SIK2: variants seen among roughly 807,000 people sequenced by gnomAD.
SIK2 encodes the protein serine/threonine-protein kinase SIK2.
Under a neutral mutation model 103.2 loss-of-function variants are expected in SIK2, and 29 were observed. The ratio of observed to expected loss-of-function variants is 0.28; its 90% CI spans 0.21 to 0.38. SIK2 has a LOEUF of 0.38. Among genes scored for constraint, SIK2 ranks in the 10% least tolerant of loss-of-function variants. The pLI is 1.00. For missense variants in SIK2, 879 were observed against 1,171.0 expected, an observed-to-expected ratio of 0.75 and a Z score of 3.64; for synonymous variants, 412 against 446.1, an observed-to-expected ratio of 0.92 and a Z score of 0.96.
chr11:111,620,109 T>C (rs1403128812), intron 2 of SIK2, among the ~76,000 whole-genome samples: 2 of 152,226 alleles, frequency 1.3e-5, no homozygotes, highest in Non-Finnish European at 2.9e-5. Flanking sequence ...GGTGGTTGAA[T>C]AGTGCTACTA....
chr11:111,723,660 C>T lies in SIK2; in HGVS notation c.2312C>T (p.Thr771Ile). ...PSQQAPPFSL[T>I]QPLSPVLEPS... ...CAGCAGGCCCCACCGTTCAGCCTGA[C>T]CCAGCCCCTGAGCCCCGTCCTGGAG... is the stretch of plus-strand genomic sequence containing the variant. Residue 771 changes from threonine to isoleucine, a missense_variant, in exon 15 of 15, where the codon ACC (threonine) becomes ATC (isoleucine). Coordinates refer to ENST00000304987, the MANE Select transcript of SIK2 (RefSeq NM_015191.3). The T allele has an allele frequency of 1.9e-6, 3 of 1,613,720 alleles. No homozygotes were observed. The highest frequency in any genetic ancestry group is 2.2e-5 in the East Asian group (1 of 44,868).
intron 3 of SIK2, among the ~76,000 whole-genome samples, chr11:111,626,227 A>G (rs535476568): frequency 6.6e-6 from 1 of 152,322 alleles, no homozygotes; most frequent in African/African-American, 2.4e-5. Flanking sequence ...GAATTAATTT[A>G]AAAAGATCAT....
intron 4 of SIK2, among the ~76,000 whole-genome samples, chr11:111,692,691 ATCT>A (rs1337261101): frequency 6.6e-6 from 1 of 152,196 alleles, no homozygotes; most frequent in Non-Finnish European, 1.5e-5. Context: ...TTTAAGGATC[ATCT>A]TCTTATCTCT....
intron 3 of SIK2, among the ~76,000 whole-genome samples, chr11:111,679,580 A>G (rs1942750941): frequency 6.6e-6 from 1 of 152,246 alleles, no homozygotes. Flanking sequence ...AAAGTTTAAT[A>G]TTATAAATAG....
intron 3 of SIK2, among the ~76,000 whole-genome samples, chr11:111,654,576 A>C (rs1423663333): frequency 6.6e-6 from 1 of 152,194 alleles, no homozygotes; most frequent in Non-Finnish European, 1.5e-5. Context: ...GAGTTACTTA[A>C]AGGTAAGTTC....
intron 3 of SIK2, among the ~76,000 whole-genome samples, chr11:111,645,065 T>C (rs1435114352): frequency 6.6e-6 from 1 of 152,210 alleles, no homozygotes; most frequent in East Asian, 1.9e-4. Context: ...TGAGGGAAGA[T>C]GTTAAACAAG....
At chr11:111,638,195 A>AACGCATGTCAGTATCCGGTATGCAT (rs1942135338) in intron 3 of SIK2, among the ~76,000 whole-genome samples, 1 of 152,320 alleles carries the variant, frequency 6.6e-6, no homozygotes, top group East Asian at 1.9e-4. Context: ...GAGGAATGCT[A>AACGCATGTCAGTATCCGGTATGCAT]ACGCATGTCA....
intron 4 of SIK2, among the ~76,000 whole-genome samples, chr11:111,689,644 T>C (rs1942899711): frequency 6.6e-6 from 1 of 152,186 alleles, no homozygotes; most frequent in African/African-American, 2.4e-5. Context: ...AAATTATTAA[T>C]TGACCTGTTA....
chr11:111,609,957 A>G (rs1217321030), intron 1 of SIK2, among the ~76,000 whole-genome samples: 3 of 152,218 alleles, frequency 2.0e-5, no homozygotes, highest in Admixed American at 2.0e-4. Flanking sequence ...GAATTAGTAT[A>G]TTAGTAATAG....
intron 8 of SIK2, among the ~76,000 whole-genome samples, chr11:111,708,428 A>T (rs982168122): frequency 1.3e-5 from 2 of 152,176 alleles, no homozygotes; most frequent in African/African-American, 4.8e-5. Flanking sequence ...CATTATTATT[A>T]TTTAGACAAC....
At chr11:111,614,265 G>A (rs1049386742) in intron 1 of SIK2, among the ~76,000 whole-genome samples, 29 of 152,096 alleles carry the variant, frequency 1.9e-4, no homozygotes, top group African/African-American at 6.7e-4. Flanking sequence ...TATGTTTTTA[G>A]TAGAGACAGC....
intron 3 of SIK2, among the ~76,000 whole-genome samples, chr11:111,647,411 A>T (rs1942270847): frequency 6.6e-6 from 1 of 152,030 alleles, no homozygotes; most frequent in South Asian, 2.1e-4. Flanking sequence ...GTTAGCCAAA[A>T]TACCCCTTTT....
chr11:111,610,100 A>T (rs557488741), intron 1 of SIK2, among the ~76,000 whole-genome samples: 2 of 152,318 alleles, frequency 1.3e-5, no homozygotes, highest in African/African-American at 4.8e-5. Context: ...TAATCTGTGG[A>T]TTTATAGAAC....
At chr11:111,692,944 A>G (rs2135904185) in intron 4 of SIK2, among the ~76,000 whole-genome samples, 1 of 152,310 alleles carries the variant, frequency 6.6e-6, no homozygotes, top group Non-Finnish European at 1.5e-5. Flanking sequence ...TTTATAAAAC[A>G]AAATGGAATA....
intron 3 of SIK2, chr11:111,671,120 C>G: frequency 5.6e-6 from 1 of 177,540 alleles, no homozygotes; most frequent in South Asian, 1.1e-4. Flanking sequence ...CTTGTGAGAC[C>G]CCTATAGGCC....
In SIK2 at chr11:111,725,436, A is replaced by G. The variant is rs1041522318; in HGVS notation, c.*1307A>G. The stretch of plus-strand genomic sequence containing the variant: ...TAATAAAACTTAACCAACACTTACA[A>G]TTCAGTCATCAAAGTAAGTAAAAAT... On this transcript the variant is annotated 3_prime_UTR_variant, in exon 15 of 15. Coordinates refer to ENST00000304987, the MANE Select transcript of SIK2 (RefSeq NM_015191.3). The G allele has an allele frequency of 2.4e-4, 36 of 152,548 alleles. No homozygotes were observed. Among genetic ancestry groups the G allele is most frequent in the Admixed American group, 1.2e-3 (19 of 15,288 alleles). The allele number at this position is 152,548 out of a possible 1,614,324, so 9.4% of individuals were successfully genotyped here.
At chr11:111,692,499 G>T (rs1211485842) in intron 4 of SIK2, among the ~76,000 whole-genome samples, 1 of 151,812 alleles carries the variant, frequency 6.6e-6, no homozygotes, top group Non-Finnish European at 1.5e-5. Flanking sequence ...AATTGGAGTG[G>T]TAAGGAAACT....
intron 4 of SIK2, among the ~76,000 whole-genome samples, chr11:111,696,545 T>C (rs1182644934): frequency 1.3e-5 from 2 of 152,170 alleles, no homozygotes; most frequent in Non-Finnish European, 2.9e-5. Context: ...ATAGCCATAG[T>C]TTTAGGTATT....
chr11:111,604,563 T>G (rs2135826199), intron 1 of SIK2, among the ~76,000 whole-genome samples: 1 of 152,302 alleles, frequency 6.6e-6, no homozygotes, highest in East Asian at 1.9e-4. Flanking sequence ...CGTTTTAAAC[T>G]AATATATCTT....
Sources: gnomAD v4.1 joint callset for allele counts (sites outside exome capture counted in the v4.1 genomes callset) on GRCh38, gnomAD v4.1.1 for gene constraint, MANE v1.5 for transcripts, NCBI Gene and HGNC (gene_info 2026-07-23, HGNC 2026-07-21) for gene names.